Variants in ABTB2 observed in about 807,000 individuals in gnomAD.
The protein encoded by ABTB2 is ankyrin repeat and BTB domain containing 2, also known as ankyrin repeat and BTB/POZ domain-containing protein 2.
Under a neutral mutation model 104.1 loss-of-function variants are expected in ABTB2, and 56 were observed. The ratio of observed to expected loss-of-function variants is 0.54; its 90% CI spans 0.43 to 0.67. The LOEUF (loss-of-function observed/expected upper bound fraction) is 0.67, where lower values mean the gene tolerates loss of function less well. Among genes scored for constraint, ABTB2 ranks in the 30% least tolerant of loss-of-function variants. ABTB2 has a pLI of 0.00. For missense variants in ABTB2, 1,279 were observed against 1,407.7 expected, an observed-to-expected ratio of 0.91 and a Z score of 1.46; for synonymous variants, 606 against 608.2, an observed-to-expected ratio of 1.00 and a Z score of 0.05.
intron 1 of ABTB2, among the ~76,000 whole-genome samples, chr11:34,211,407 G>C (rs1472893036): frequency 6.6e-6 from 1 of 152,076 alleles, no homozygotes; most frequent in Non-Finnish European, 1.5e-5. Context: ...ACCATGCCCA[G>C]CCAGGACAGT....
At position 34,162,581 on chromosome 11, in the gene ABTB2, G is replaced by C. The variant is rs752485259; in HGVS notation, c.2213C>G (p.Ala738Gly). Residue 738 changes from alanine to glycine, a missense_variant, in exon 10 of 17, where the codon GCA (alanine) becomes GGA (glycine). Transcript: ENST00000435224. ...GCATGCCCGTGAGGCCTCACCCAGT[G>C]CCCTCAGCTCCATGGTGATGTCCAC... is the stretch of plus-strand genomic sequence containing the variant. The part of the protein sequence containing the change: ...GYVDITMELR[A>G]LGVPWKLHIW... 5.6e-6 allele frequency: 9 copies of C among 1,613,228 alleles called. No homozygotes were observed. The Admixed American group carries it at 6.7e-5, about 12-fold the overall frequency.
At chr11:34,304,590 T>C (rs367972350) in intron 1 of ABTB2, among the ~76,000 whole-genome samples, 7 of 152,034 alleles carry the variant, frequency 4.6e-5, no homozygotes, top group African/African-American at 1.7e-4. Flanking sequence ...GAAGCCAAGA[T>C]AGGTGGATCA....
Position 34,252,421 on chromosome 11 carries a change from C to T in ABTB2, c.884-47731G>A, listed in dbSNP as rs1565151756. On this transcript the variant is annotated intron_variant, in intron 1 of 16. Transcript: ENST00000435224. The surrounding 1 kb of genome is among the most constrained non-coding windows in gnomAD (Gnocchi z 5.5). ...GATAATGACCACTGCTTAACCAGCC[C>T]TCCTCAGTCACAGGGGGAGAGTGCC... Among the ~76,000 whole-genome samples, 2 of 152,186 alleles carry T rather than the reference C, an allele frequency of 1.3e-5. No individual in the cohort carries two copies.
At chr11:34,289,520 C>T (rs978361084) in intron 1 of ABTB2, among the ~76,000 whole-genome samples, 5 of 152,130 alleles carry the variant, frequency 3.3e-5, no homozygotes, top group African/African-American at 9.7e-5. Flanking sequence ...CAATTTGCCT[C>T]CTAAAGCTAT....
chr11:34,305,360 C>T (rs569581298), intron 1 of ABTB2, among the ~76,000 whole-genome samples: 5 of 152,322 alleles, frequency 3.3e-5, no homozygotes, highest in African/African-American at 4.8e-5. Context: ...ATACCTGGCA[C>T]ACTTCTCTCC....
chr11:34,157,283 C>G (rs1226199189), intron 14 of ABTB2, among the ~76,000 whole-genome samples: 1 of 152,240 alleles, frequency 6.6e-6, no homozygotes, highest in African/African-American at 2.4e-5. Flanking sequence ...CTAGTTAGAA[C>G]AGTCGGCCAG....
intron 1 of ABTB2, among the ~76,000 whole-genome samples, chr11:34,286,927 T>C (rs139529739): frequency 1.3e-5 from 2 of 152,306 alleles, no homozygotes; most frequent in African/African-American, 4.8e-5. Flanking sequence ...AGATTGGTGG[T>C]TGCCGGGGCT....
chr11:34,171,737 T>G (rs1453775960), intron 4 of ABTB2, among the ~76,000 whole-genome samples: 1 of 151,746 alleles, frequency 6.6e-6, no homozygotes, highest in Non-Finnish European at 1.5e-5. Context: ...TGTATACTGT[T>G]TGTGTTGAGC....
chr11:34,317,404 C>CCCT (rs1854946767), intron 1 of ABTB2, among the ~76,000 whole-genome samples: 1 of 152,130 alleles, frequency 6.6e-6, no homozygotes, highest in Non-Finnish European at 1.5e-5. Flanking sequence ...TGATTGCGCT[C>CCCT]TGCCCACAGA....
rs7106923 is a variant in ABTB2, at chr11:34,299,425, G to A, written c.883+57276C>T. Among the ~76,000 whole-genome samples the A allele has an allele frequency of 8.5e-3, 1,290 of 152,194 alleles. 27 individuals are homozygous for A. Among genetic ancestry groups the A allele is most frequent in the African/African-American group, 0.029 (1,191 of 41,460 alleles). On this transcript the variant is annotated intron_variant, in intron 1 of 16. Transcript: ENST00000435224. ...AAGCCAAGATCTCCAAGGGTATCAG[G>A]TTCCCTTATTTGGAGGAGCTGCGTG...
intron 1 of ABTB2, among the ~76,000 whole-genome samples, chr11:34,345,618 A>C (rs1590265145): frequency 6.6e-6 from 1 of 152,114 alleles, no homozygotes; most frequent in East Asian, 1.9e-4. Flanking sequence ...CCCACTGGAC[A>C]GGTGGGGGAC....
chr11:34,204,829 C>G (rs1853389105), intron 1 of ABTB2, 139 bp from the exon 2 acceptor site: 3 of 950,220 alleles, frequency 3.2e-6, no homozygotes, highest in Middle Eastern at 3.2e-4. Context: ...CTCTCTGAGC[C>G]TTGAGGACTT....
intron 1 of ABTB2, among the ~76,000 whole-genome samples, chr11:34,274,646 AAAAAG>A (rs1209913202): frequency 1.3e-5 from 2 of 151,872 alleles, no homozygotes; most frequent in African/African-American, 4.8e-5. Flanking sequence ...GATAACATTA[AAAAAG>A]AAAAGAAAAA....
rs562783375 is a variant in ABTB2 at position 34,243,493 on chromosome 11, C to G, written c.884-38803G>C. Among the ~76,000 whole-genome samples, 12 of 152,326 alleles carry G rather than the reference C, an allele frequency of 7.9e-5. No homozygotes were observed. In the East Asian group the frequency reaches 2.3e-3, roughly 29 times the overall value. On this transcript the variant is annotated intron_variant, in intron 1 of 16. Transcript: ENST00000435224. ...ACATTCCTCATCCATAACCCTGCCC[C>G]TCCTCCAACAACAGAAATCACTGAC... is the stretch of plus-strand genomic sequence containing the variant.
At chr11:34,258,803 G>C (rs565954339) in intron 1 of ABTB2, among the ~76,000 whole-genome samples, 1 of 152,034 alleles carries the variant, frequency 6.6e-6, no homozygotes, top group Admixed American at 6.5e-5. Flanking sequence ...GTTTCACCAT[G>C]TTGGCCAGGC....
intron 7 of ABTB2, 36 bp from the exon 8 acceptor site, chr11:34,165,392 C>A (rs184599365): frequency 8.1e-4 from 1,261 of 1,548,398 alleles, no homozygotes; most frequent in Non-Finnish European, 8.7e-4. Context: ...CACTGCTCAG[C>A]GTGGCAGGGA....
rs1855132009 is a variant in ABTB2 at position 34,331,619 on chromosome 11, G to C, written c.883+25082C>G. ...TCCATAACAAACATCTCTCTCTTCT[G>C]GCTCTGTAATGAGGTTACTCTCTTA... On this transcript the variant is annotated intron_variant, in intron 1 of 16. Transcript: ENST00000435224. Among the ~76,000 whole-genome samples the C allele has an allele frequency of 2.6e-5, 4 of 152,214 alleles. No individual in the cohort carries two copies. The South Asian group carries it at 8.3e-4, about 32-fold the overall frequency.
chr11:34,175,895 C>T (rs1314982508), intron 3 of ABTB2, among the ~76,000 whole-genome samples: 1 of 152,228 alleles, frequency 6.6e-6, no homozygotes, highest in Admixed American at 6.5e-5. Flanking sequence ...CAGCTCTCAC[C>T]CCTGCTTGTC....
At chr11:34,296,296 G>A (rs553930697) in intron 1 of ABTB2, among the ~76,000 whole-genome samples, 25 of 152,104 alleles carry the variant, frequency 1.6e-4, no homozygotes, top group Non-Finnish European at 3.2e-4. Context: ...AAGGCAGTGT[G>A]ATGGGGCATA....
Sources: gnomAD v4.1 joint callset for allele counts (sites outside exome capture counted in the v4.1 genomes callset) on GRCh38, gnomAD v4.1.1 for gene constraint, Gnocchi (gnomAD v3.1) non-coding constraint, MANE v1.5 for transcripts, NCBI Gene and HGNC (gene_info 2026-07-23, HGNC 2026-07-21) for gene names.